Variants in RIMS2 observed in about 807,000 individuals in gnomAD.
The protein encoded by RIMS2 is regulating synaptic membrane exocytosis protein 2.
In RIMS2, 59 loss-of-function variants were observed where a neutral mutation model predicts 174.4. The ratio of observed to expected loss-of-function variants is 0.34; its 90% CI spans 0.27 to 0.42. RIMS2 has a LOEUF of 0.42. RIMS2 is among the 10% of genes least tolerant of loss of function. The probability of loss-of-function intolerance (pLI) is 1.00; values close to 1 mark genes in which losing one functional copy is unlikely to be tolerated. For synonymous variants in RIMS2, 606 were observed against 572.5 expected, an observed-to-expected ratio of 1.06 and a Z score of -0.84; for missense variants, 1,620 against 1,666.3, an observed-to-expected ratio of 0.97 and a Z score of 0.48.
chr8:103,792,293 A>C (rs1245461297), intron 3 of RIMS2, among the ~76,000 whole-genome samples: 1 of 152,216 alleles, frequency 6.6e-6, no homozygotes, highest in Non-Finnish European at 1.5e-5. Flanking sequence ...ACCTACATGG[A>C]AACTGAACAA....
At chr8:103,697,546 G>C (rs1230929208) in intron 2 of RIMS2, among the ~76,000 whole-genome samples, 1 of 131,744 alleles carries the variant, frequency 7.6e-6, no homozygotes, top group South Asian at 2.4e-4. Context: ...CTGTCTCTAC[G>C]AAAAAAAAAA....
chr8:104,091,078 G>A (rs1057108149), intron 19 of RIMS2, among the ~76,000 whole-genome samples: 2 of 151,590 alleles, frequency 1.3e-5, no homozygotes, highest in African/African-American at 4.8e-5. Context: ...TTGGAGATAG[G>A]CACAATTATT....
intron 17 of RIMS2, among the ~76,000 whole-genome samples, chr8:104,010,761 C>T (rs941382715): frequency 6.6e-6 from 1 of 152,094 alleles, no homozygotes; most frequent in African/African-American, 2.4e-5. Flanking sequence ...TTTAAATTTA[C>T]AGGTGAGGGG....
At chr8:103,551,195 C>T (rs1304634311) in intron 1 of RIMS2, among the ~76,000 whole-genome samples, 2 of 152,150 alleles carry the variant, frequency 1.3e-5, no homozygotes, top group South Asian at 2.1e-4. Context: ...ATGCAAAAAT[C>T]CTCAATACAA....
At chr8:103,614,827 A>G (rs1355848730) in intron 1 of RIMS2, among the ~76,000 whole-genome samples, 1 of 152,238 alleles carries the variant, frequency 6.6e-6, no homozygotes, top group African/African-American at 2.4e-5. Context: ...TCATATTTCT[A>G]TTAATACATG....
At chr8:103,755,099 C>T (rs2097966120) in intron 2 of RIMS2, among the ~76,000 whole-genome samples, 1 of 152,142 alleles carries the variant, frequency 6.6e-6, no homozygotes, top group South Asian at 2.1e-4. Flanking sequence ...GTGCTTCCTT[C>T]AAGAGCTCTT....
intron 3 of RIMS2, among the ~76,000 whole-genome samples, chr8:103,801,472 A>G (rs1303221529): frequency 2.0e-5 from 3 of 152,204 alleles, no homozygotes; most frequent in African/African-American, 7.2e-5. Flanking sequence ...CTTTTAAAAT[A>G]TTAGAGGCAG....
intron 3 of RIMS2, among the ~76,000 whole-genome samples, chr8:103,820,177 A>G (rs1159808425): frequency 2.0e-5 from 3 of 152,022 alleles, no homozygotes; most frequent in Admixed American, 6.6e-5. Flanking sequence ...ATAAATTCCT[A>G]TTGCTTTTTC....
chr8:104,194,035 C>T (rs1453454976), intron 19 of RIMS2, among the ~76,000 whole-genome samples: 1 of 152,146 alleles, frequency 6.6e-6, no homozygotes, highest in Admixed American at 6.5e-5. Flanking sequence ...AGGCATAGTG[C>T]CAAGAGCCAA....
chr8:103,524,221 GA>G (rs1369450826), intron 1 of RIMS2, among the ~76,000 whole-genome samples: 4 of 145,384 alleles, frequency 2.8e-5, no homozygotes, highest in Admixed American at 1.4e-4. Context: ...AGGCTAAGAA[GA>G]AAAAAAAAGG....
chr8:104,249,937 CT>C (rs899920723), intron 22 of RIMS2, among the ~76,000 whole-genome samples: 1 of 152,116 alleles, frequency 6.6e-6, no homozygotes, highest in Non-Finnish European at 1.5e-5. Context: ...TTCTCTAGAG[CT>C]TCAAAATTCT....
rs5893676 is a variant in RIMS2 at position 104,079,598 on chromosome 8, GATATATATATATATATATATAT to G, written c.3334+65006_3334+65027del. Among the ~76,000 whole-genome samples, 49 of 50,998 alleles carry G rather than the reference GATATATATATATATATATATAT, an allele frequency of 9.6e-4. 3 individuals are homozygous for G. The highest frequency in any genetic ancestry group is 7.0e-4 in the African/African-American group (10 of 14,200). 33.5% of individuals were successfully genotyped at this position (50,998 alleles called of 152,430 possible). A position where few individuals can be genotyped will look rare whatever the true frequency, so the allele number is the denominator to read the frequency against. On this transcript the variant is annotated intron_variant, in intron 19 of 23. Transcript: ENST00000504942. Reference sequence around the variant, plus strand: ...TCACATAACTGAAAGGATTAAGCATGATATATATATATATATATATATATATATATATATATATATATATGAA... The same window carrying G: ...TCACATAACTGAAAGGATTAAGCATGATATATATATATATATATATATGAA...
chr8:104,036,631 C>T (rs2096524228), intron 19 of RIMS2, among the ~76,000 whole-genome samples: 1 of 151,962 alleles, frequency 6.6e-6, no homozygotes, highest in African/African-American at 2.4e-5. Context: ...GTAATCCCAG[C>T]ACTTTAGGAG....
chr8:103,694,701 C>T (rs1158531286), intron 1 of RIMS2, among the ~76,000 whole-genome samples: 3 of 152,060 alleles, frequency 2.0e-5, no homozygotes, highest in East Asian at 3.9e-4. Context: ...GTGCCTGGAG[C>T]CTATATCCAC....
chr8:103,553,903 C>G (rs1294669017), intron 1 of RIMS2, among the ~76,000 whole-genome samples: 1 of 152,012 alleles, frequency 6.6e-6, no homozygotes, highest in Non-Finnish European at 1.5e-5. Context: ...TGCTACACAC[C>G]TATAATCATC....
At chr8:103,766,004 G>A (rs1391701728) in intron 2 of RIMS2, among the ~76,000 whole-genome samples, 3 of 151,688 alleles carry the variant, frequency 2.0e-5, no homozygotes, top group Non-Finnish European at 4.4e-5. Flanking sequence ...ACTCTAGTTT[G>A]CTATCTCTGT....
intron 19 of RIMS2, among the ~76,000 whole-genome samples, chr8:104,120,066 G>A (rs1352124491): frequency 6.6e-6 from 1 of 152,104 alleles, no homozygotes; most frequent in Admixed American, 6.5e-5. Flanking sequence ...ATTTCATCTT[G>A]ACTCTTAGCC....
intron 3 of RIMS2, among the ~76,000 whole-genome samples, chr8:103,811,576 C>G (rs2098688100): frequency 6.6e-6 from 1 of 151,918 alleles, no homozygotes; most frequent in Non-Finnish European, 1.5e-5. Flanking sequence ...TCCCGAGTAG[C>G]TGGGATTACA....
chr8:104,074,345 G>T (rs1050362196), intron 19 of RIMS2, among the ~76,000 whole-genome samples: 2 of 152,020 alleles, frequency 1.3e-5, no homozygotes, highest in Non-Finnish European at 2.9e-5. Flanking sequence ...ACAAGGTTTT[G>T]GTATCTATTT....
Sources: gnomAD v4.1 joint callset for allele counts (sites outside exome capture counted in the v4.1 genomes callset) on GRCh38, gnomAD v4.1.1 for gene constraint, MANE v1.5 for transcripts, NCBI Gene and HGNC (gene_info 2026-07-23, HGNC 2026-07-21) for gene names.